The following THSD7B variants were observed in gnomAD, a reference collection of about 807,000 sequenced individuals.
THSD7B encodes thrombospondin type 1 domain containing 7B.
In THSD7B, 138 loss-of-function variants were observed where a neutral mutation model predicts 213.6. The observed-to-expected ratio is 0.65, with a 90% confidence interval of 0.56 to 0.74. The LOEUF is 0.74. THSD7B is among the 30% of genes least tolerant of loss of function. THSD7B has a pLI of 0.00. For synonymous variants in THSD7B, 742 were observed against 687.0 expected, an observed-to-expected ratio of 1.08 and a Z score of -1.25; for missense variants, 1,931 against 1,991.5, an observed-to-expected ratio of 0.97 and a Z score of 0.58.
chr2:136,881,635 A>G (rs759715638), intron 1 of THSD7B, among the ~76,000 whole-genome samples: 2 of 152,082 alleles, frequency 1.3e-5, no homozygotes, highest in Non-Finnish European at 2.9e-5. Flanking sequence ...TTTCAGAGAA[A>G]TAAAAGGTAT....
At chr2:137,625,143 C>A (rs550560477) in intron 20 of THSD7B, among the ~76,000 whole-genome samples, 90 of 151,930 alleles carry the variant, frequency 5.9e-4, no homozygotes, top group Non-Finnish European at 1.1e-3. Flanking sequence ...TACTATGCAG[C>A]CATAAAAAAT....
At chr2:137,128,740 C>T (rs1688671864) in intron 5 of THSD7B, among the ~76,000 whole-genome samples, 1 of 152,190 alleles carries the variant, frequency 6.6e-6, no homozygotes, top group African/African-American at 2.4e-5. Flanking sequence ...GCTTCTAAAA[C>T]ATGTACCTTC....
intron 2 of THSD7B, among the ~76,000 whole-genome samples, chr2:136,941,956 C>A (rs2105061004): frequency 6.6e-6 from 1 of 152,274 alleles, no homozygotes; most frequent in African/African-American, 2.4e-5. Context: ...CCTAGGTTTT[C>A]TTCTAGGGTT....
chr2:137,154,003 T>G (rs1211883081), intron 5 of THSD7B, among the ~76,000 whole-genome samples: 2 of 152,120 alleles, frequency 1.3e-5, no homozygotes, highest in East Asian at 3.8e-4. Context: ...TTCATTTGAT[T>G]TGGAAAACTG....
intron 14 of THSD7B, among the ~76,000 whole-genome samples, chr2:137,431,479 G>T (rs1278493898): frequency 6.6e-6 from 1 of 152,170 alleles, no homozygotes; most frequent in African/African-American, 2.4e-5. Context: ...TGTTAATAGA[G>T]ATTCTTTATA....
At chr2:137,320,918 A>G (rs1204615302) in intron 12 of THSD7B, among the ~76,000 whole-genome samples, 1 of 152,204 alleles carries the variant, frequency 6.6e-6, no homozygotes, top group Admixed American at 6.5e-5. Flanking sequence ...CTAGCTTCCC[A>G]GAGCAATGCA....
intron 12 of THSD7B, among the ~76,000 whole-genome samples, chr2:137,317,093 T>C (rs1684128613): frequency 6.6e-6 from 1 of 152,166 alleles, no homozygotes; most frequent in Non-Finnish European, 1.5e-5. Flanking sequence ...TAGTTGACAG[T>C]TTTTTCCTGG....
At chr2:137,544,117 A>G (rs1487649324) in intron 15 of THSD7B, among the ~76,000 whole-genome samples, 3 of 151,770 alleles carry the variant, frequency 2.0e-5, no homozygotes, top group Non-Finnish European at 4.4e-5. Flanking sequence ...TTCTAGGTAT[A>G]TAACCAAGAA....
chr2:137,056,370 T>G (rs151290791), intron 2 of THSD7B, 50 bp from the exon 3 acceptor site: 1 of 1,540,398 alleles, frequency 6.5e-7, no homozygotes, highest in East Asian at 2.3e-5. Flanking sequence ...ACCTGTGAAT[T>G]GCTGAATGTA....
chr2:137,339,259 C>T (rs1216380089), intron 12 of THSD7B, among the ~76,000 whole-genome samples: 1 of 128,020 alleles, frequency 7.8e-6, no homozygotes, highest in African/African-American at 2.8e-5. Flanking sequence ...GGCGAGCATC[C>T]AGCGCATCCA....
At chr2:137,656,552 A>G (rs1334574301) in intron 22 of THSD7B, among the ~76,000 whole-genome samples, 2 of 152,232 alleles carry the variant, frequency 1.3e-5, no homozygotes, top group Admixed American at 6.5e-5. Context: ...AGATGTGACT[A>G]CTACAATTTG....
chr2:136,828,789 ACTT>A (rs1172138529), intron 1 of THSD7B, among the ~76,000 whole-genome samples: 1 of 152,220 alleles, frequency 6.6e-6, no homozygotes, highest in African/African-American at 2.4e-5. Context: ...TATGAGGGTC[ACTT>A]CTTCATAGAA....
At chr2:136,955,641 G>A (rs929271942) in intron 2 of THSD7B, among the ~76,000 whole-genome samples, 13 of 152,064 alleles carry the variant, frequency 8.5e-5, no homozygotes, top group African/African-American at 3.1e-4. Flanking sequence ...TTCTAAATTG[G>A]TATAGCAATT....
intron 14 of THSD7B, among the ~76,000 whole-genome samples, chr2:137,412,962 T>C (rs887604249): frequency 6.6e-6 from 1 of 151,894 alleles, no homozygotes; most frequent in African/African-American, 2.4e-5. Context: ...GATTTTGGTC[T>C]TAGTCATCAA....
chr2:137,603,518 T>G (rs1682114761), intron 17 of THSD7B, among the ~76,000 whole-genome samples: 1 of 152,196 alleles, frequency 6.6e-6, no homozygotes, highest in South Asian at 2.1e-4. Context: ...GAATGAAGGC[T>G]GAGACTCATT....
At chr2:137,239,576 A>G (rs1681854570) in intron 9 of THSD7B, among the ~76,000 whole-genome samples, 1 of 152,044 alleles carries the variant, frequency 6.6e-6, no homozygotes, top group South Asian at 2.1e-4. Flanking sequence ...TGTATTTTTC[A>G]CAGAAGAGCC....
At chr2:136,947,162 G>T (rs1465791990) in intron 2 of THSD7B, among the ~76,000 whole-genome samples, 1 of 152,180 alleles carries the variant, frequency 6.6e-6, no homozygotes, top group Non-Finnish European at 1.5e-5. Flanking sequence ...ATGTCGCTAA[G>T]AGAAAGTCTT....
chr2:137,226,736 G>A (rs1377399791), intron 7 of THSD7B, among the ~76,000 whole-genome samples: 1 of 151,694 alleles, frequency 6.6e-6, no homozygotes, highest in African/African-American at 2.4e-5. Context: ...TCCACTCCTA[G>A]ATGTATATCC....
chr2:137,091,511 A>ATTTTATTTTG (rs1185687284), intron 3 of THSD7B, among the ~76,000 whole-genome samples: 51 of 151,602 alleles, frequency 3.4e-4, no homozygotes, highest in African/African-American at 1.2e-3. Flanking sequence ...ATTTTATTTT[A>ATTTTATTTTG]TTTTATTTTA....
Sources: gnomAD v4.1 joint callset for allele counts (sites outside exome capture counted in the v4.1 genomes callset) on GRCh38, gnomAD v4.1.1 for gene constraint, MANE v1.5 for transcripts, NCBI Gene and HGNC (gene_info 2026-07-23, HGNC 2026-07-21) for gene names.